The following TNXB variants were observed in gnomAD, a reference collection of about 807,000 sequenced individuals.
TNXB encodes tenascin-X.
In TNXB, 183 loss-of-function variants were observed where a neutral mutation model predicts 340.5. The ratio of observed to expected loss-of-function variants is 0.54; its 90% confidence interval spans 0.48 to 0.61. TNXB has a LOEUF of 0.61. Among genes scored for constraint, TNXB ranks in the 20% least tolerant of loss-of-function variants. The pLI is 0.00. For synonymous variants in TNXB, 2,121 were observed against 2,314.5 expected (o/e 0.92, Z 2.40); for missense variants, 4,613 against 5,446.4 (o/e 0.85, Z 4.82).
Position 32,081,692 on chromosome 6 carries a change from AG to A in TNXB, c.3737-20del, listed in dbSNP as rs1309465925. The A allele has an allele frequency of 6.5e-7, 1 of 1,542,234 alleles. No homozygotes were observed. The highest frequency in any genetic ancestry group is 1.2e-5 in the South Asian group (1 of 83,388). ...TCTGGAGCTGTAAACAAGGAGATCC[AG>A]CCAGGTGCTGAACTGGCAGCCTGGG... On this transcript the variant is annotated intron_variant, in intron 9 of 43. Transcript: ENST00000644971. The surrounding 1 kb of genome is among the most constrained non-coding windows in gnomAD (Gnocchi z 5.1).
chr6:32,049,681 A>G lies in TNXB; in HGVS notation c.9440-94T>C, dbSNP rs567729621. ...GCCAAGGCTATGACTGGGGGACCTG[A>G]GGTCATTTCAGAGAAGTCCATTCTT... On this transcript the variant is annotated intron_variant, in intron 27 of 43. Transcript: ENST00000644971. The surrounding 1 kb of genome is among the most constrained non-coding windows in gnomAD (Gnocchi z 4.5). 107 of 1,401,362 alleles carry G rather than the reference A, an allele frequency of 7.6e-5. No homozygotes were observed. The East Asian group carries it at 1.6e-3, about 21-fold the overall frequency. The allele number at this position is 1,401,362 out of a possible 1,614,324, so 86.8% of individuals were successfully genotyped here.
chr6:32,060,651 T>C (rs1451022210), intron 21 of TNXB, among the ~76,000 whole-genome samples: 2 of 151,954 alleles, frequency 1.3e-5, no homozygotes, highest in African/African-American at 2.4e-5. Flanking sequence ...TCCTTTTTCT[T>C]CTTTTTTGAG....
Position 32,062,269 on chromosome 6 carries a change from A to G in TNXB, c.7056T>C (p.His2352=), listed in dbSNP as rs1333858688. Residue 2352 remains histidine (H), a synonymous_variant, in exon 20 of 44, where the codon CAT becomes CAC. Transcript: ENST00000644971. The surrounding 1 kb of genome is among the most constrained non-coding windows in gnomAD (Gnocchi z 4.3). ...GGCCGGAGATGGTGACCCTGTCCTC[A>G]TGTCCTGGCACCCGTGTTGCCTTGG... ...GQPKATRVPG[H]EDRVTISGLE... 1 of 1,613,286 alleles carries G rather than the reference A, an allele frequency of 6.2e-7. No individual in the cohort carries two copies. The highest frequency in any genetic ancestry group is 1.1e-5 in the South Asian group (1 of 91,080).
rs192267599 is a variant in TNXB at position 32,073,102 on chromosome 6, T to G, written c.4681+545A>C. Among the ~76,000 whole-genome samples the G allele has an allele frequency of 1.6e-3, 244 of 152,280 alleles. 2 individuals are homozygous for G. Among genetic ancestry groups the G allele is most frequent in the African/African-American group, 5.3e-3 (221 of 41,554 alleles). Reference sequence around the variant, plus strand: ...CACAGCACAACAATCATGGAGAACCTGTGCCCAGGAAGCCATGAGGGGCAG... The same window carrying G: ...CACAGCACAACAATCATGGAGAACCGGTGCCCAGGAAGCCATGAGGGGCAG... On this transcript the variant is annotated intron_variant, in intron 12 of 43. Coordinates refer to ENST00000644971, the MANE Select transcript of TNXB (RefSeq NM_001365276.2). The surrounding 1 kb of genome is among the most constrained non-coding windows in gnomAD (Gnocchi z 4.6).
At position 32,080,356 on chromosome 6, in the gene TNXB, A is replaced by G. The variant is rs570015795; in HGVS notation, c.4043-991T>C. Among the ~76,000 whole-genome samples, 22 of 152,170 alleles carry G rather than the reference A, an allele frequency of 1.4e-4. No individual in the cohort carries two copies. The East Asian group carries it at 4.3e-3, about 30-fold the overall frequency. On this transcript the variant is annotated intron_variant, in intron 10 of 43. Coordinates refer to ENST00000644971, the MANE Select transcript of TNXB (RefSeq NM_001365276.2). The surrounding 1 kb of genome is among the most constrained non-coding windows in gnomAD (Gnocchi z 4.3). ...CTCTTGAGTAGCTGGGACTACAGGC[A>G]CCTGCCACCATGCCTGGCTAATTTT...
Position 32,089,457 on chromosome 6 carries a change from T to C in TNXB, c.2359-78A>G. ...CTCAATCCCCCTTATCTCTTCTTTC[T>C]CCAATTCTAAACAGTGTCAGCATGG... On this transcript the variant is annotated intron_variant, in intron 4 of 43. Coordinates refer to ENST00000644971, the MANE Select transcript of TNXB (RefSeq NM_001365276.2). The surrounding 1 kb of genome is among the most constrained non-coding windows in gnomAD (Gnocchi z 6.2). The C allele has an allele frequency of 6.6e-7, 1 of 1,509,566 alleles. No homozygotes were observed. The allele number at this position is 1,509,566 out of a possible 1,614,324, so 93.5% of individuals were successfully genotyped here.
Position 32,097,875 on chromosome 6 carries a change from C to T in TNXB, c.324G>A (p.Glu108=), listed in dbSNP as rs1027321958. 1 of 1,564,984 alleles carries T rather than the reference C, an allele frequency of 6.4e-7. No homozygotes were observed. Among genetic ancestry groups the T allele is most frequent in the East Asian group, 2.3e-5 (1 of 43,986 alleles). Reference sequence around the variant, plus strand: ...GCCCCTTCACCAACTCCTCCAGGATCTCTAGACGGACCCTCAGGGCCTGTA... The same window carrying T: ...GCCCCTTCACCAACTCCTCCAGGATTTCTAGACGGACCCTCAGGGCCTGTA... The part of the protein sequence containing the change: ...SEVQALRVRL[E]ILEELVKGLK... The change falls in exon 2 of 44, where the codon GAG becomes GAA. Residue 108 remains glutamate (E), a synonymous_variant. Coordinates refer to ENST00000644971, the MANE Select transcript of TNXB (RefSeq NM_001365276.2). This position sits in a 1 kb window ranked among gnomAD's most constrained non-coding sequence, Gnocchi z 5.9.
Position 32,072,383 on chromosome 6 carries a change from C to T in TNXB, c.4682-85G>A, listed in dbSNP as rs983462917. ...TTGAGGGCCTCAGGGGGGCTGTGAA[C>T]TGAGATGGGGAATAGTTACACCTTT... On this transcript the variant is annotated intron_variant, in intron 12 of 43. Transcript: ENST00000644971. The surrounding 1 kb of genome is among the most constrained non-coding windows in gnomAD (Gnocchi z 4.4). 1.7e-5 allele frequency: 20 copies of T among 1,163,638 alleles called. No individual in the cohort carries two copies. The highest frequency in any genetic ancestry group is 2.4e-5 in the Non-Finnish European group (20 of 849,866). 72.1% of individuals were successfully genotyped at this position (1,163,638 alleles called of 1,614,324 possible).
rs1259127583 is a variant in TNXB, at chr6:32,067,570, G to T, written c.6544+91C>A. ...TGAACAGGGTGTATTACAGGTTTGA[G>T]GTCTTGGGGTTCTGGGTCCCTAGTG... On this transcript the variant is annotated intron_variant, in intron 18 of 43. Coordinates refer to ENST00000644971, the MANE Select transcript of TNXB (RefSeq NM_001365276.2). The surrounding 1 kb of genome is among the most constrained non-coding windows in gnomAD (Gnocchi z 4.2). The T allele has an allele frequency of 6.7e-7, 1 of 1,482,418 alleles. No individual in the cohort carries two copies. Among genetic ancestry groups the T allele is most frequent in the Non-Finnish European group, 9.0e-7 (1 of 1,109,336 alleles). 91.8% of individuals were successfully genotyped at this position (1,482,418 alleles called of 1,614,324 possible). A position where few individuals can be genotyped will look rare whatever the true frequency, so the allele number is the denominator to read the frequency against.
intron 1 of TNXB, among the ~76,000 whole-genome samples, chr6:32,100,196 C>A (rs1484252179): frequency 6.6e-6 from 1 of 151,788 alleles, no homozygotes; most frequent in Non-Finnish European, 1.5e-5. Flanking sequence ...CCTCCGTCTC[C>A]CAGGTTCAAG....
intron 21 of TNXB, among the ~76,000 whole-genome samples, chr6:32,060,838 C>T (rs757612972): frequency 3.3e-5 from 5 of 151,942 alleles, no homozygotes; most frequent in Non-Finnish European, 5.9e-5. Context: ...GGGGTTTCAC[C>T]ATGTTGGCTA....
rs1024077300 is a variant in TNXB, at chr6:32,102,688, G to A, written c.-8-4482C>T. Among the ~76,000 whole-genome samples, 4 of 151,878 alleles carry A rather than the reference G, an allele frequency of 2.6e-5. No individual in the cohort carries two copies. The East Asian group carries it at 5.8e-4, about 22-fold the overall frequency. ...TGTAATCCCGGCACTTTGGGAAGCC[G>A]AGGCGGGCGGATCACGAGGTCAAGA... On this transcript the variant is annotated intron_variant, in intron 1 of 43. Coordinates refer to ENST00000644971, the MANE Select transcript of TNXB (RefSeq NM_001365276.2).
Position 32,043,904 on chromosome 6 carries a change from G to A in TNXB, c.11387-12C>T. ...ACTCTGAGGCTCCCCTGAAAACATT[G>A]GGGATCGAGGGTTACCCAGGGAACC... On this transcript the variant is annotated splice_polypyrimidine_tract_variant and intron_variant, in intron 34 of 43. Transcript: ENST00000644971. The A allele has an allele frequency of 1.2e-6, 2 of 1,613,526 alleles. No homozygotes were observed. Among genetic ancestry groups the A allele is most frequent in the Non-Finnish European group, 1.7e-6 (2 of 1,179,984 alleles).
chr6:32,053,106 G>C, intron 25 of TNXB, 113 bp from the exon 26 acceptor site: 1 of 1,229,178 alleles, frequency 8.1e-7, no homozygotes, highest in Non-Finnish European at 1.1e-6. Context: ...GGTCAGCTTG[G>C]AGAGGCCCAT....
At chr6:32,095,035 T>C in intron 4 of TNXB, 41 bp downstream of exon 4, 3 of 1,504,700 alleles carry the variant, frequency 2.0e-6, no homozygotes, top group Non-Finnish European at 2.7e-6. Context: ...CCCCCTGTCC[T>C]GCCCACTCAG....
rs558453501 is a variant in TNXB, at chr6:32,052,945, G to A, written c.8840C>T (p.Pro2947Leu). The A allele has an allele frequency of 5.6e-6, 9 of 1,612,588 alleles. No individual in the cohort carries two copies. The highest frequency in any genetic ancestry group is 1.1e-5 in the South Asian group (1 of 91,070). ...CAGGAGCGGCTCCTCAGGGGGCTCC[G>A]GGGCCTCCGTGCTGGGTTCTGTGGG... ...PAPTEPSTEA[P>L]EPPEEPLLGE... is the part of the protein sequence containing the mutation. The change falls in exon 26 of 44, where the codon CCG (proline) becomes CTG (leucine). Residue 2947 changes from proline to leucine, a missense_variant. Pro to Leu is a moderately conservative substitution (Grantham distance 98). This residue lies in a region of TNXB where 4,327 missense variants were observed against 4,859.4 expected (regional missense o/e 0.89). Coordinates refer to ENST00000644971, the MANE Select transcript of TNXB (RefSeq NM_001365276.2). This position sits in a 1 kb window ranked among gnomAD's most constrained non-coding sequence, Gnocchi z 4.7.
intron 6 of TNXB, among the ~76,000 whole-genome samples, chr6:32,086,892 T>A (rs1779809355): frequency 6.6e-6 from 1 of 152,230 alleles, no homozygotes; most frequent in Non-Finnish European, 1.5e-5. Flanking sequence ...CGGGAATCAC[T>A]GTTTTCAATT....
intron 11 of TNXB, chr6:32,078,484 A>G: frequency 6.5e-6 from 1 of 153,416 alleles, no homozygotes; most frequent in Non-Finnish European, 1.4e-5. Flanking sequence ...AAGAAAGAAA[A>G]GAAAGCTTGC....
At position 32,081,946 on chromosome 6, in the gene TNXB, G is replaced by A; in HGVS notation, c.3736+90C>T. ...CCGGGAAGCTGGAGTCAGCTGTCTT[G>A]CTGGGGGACCCCAGCTGGTTTTGGG... On this transcript the variant is annotated intron_variant, in intron 9 of 43. Coordinates refer to ENST00000644971, the MANE Select transcript of TNXB (RefSeq NM_001365276.2). The surrounding 1 kb of genome is among the most constrained non-coding windows in gnomAD (Gnocchi z 5.1). The A allele has an allele frequency of 7.4e-7, 1 of 1,342,926 alleles. No homozygotes were observed. The highest frequency in any genetic ancestry group is 1.0e-6 in the Non-Finnish European group (1 of 985,874). The allele number at this position is 1,342,926 out of a possible 1,614,324, so 83.2% of individuals were successfully genotyped here.
Sources: allele counts gnomAD v4.1 joint callset (sites outside exome capture counted in the v4.1 genomes callset), GRCh38; gene constraint gnomAD v4.1.1; regional missense constraint gnomAD v4.1.1; non-coding constraint Gnocchi (gnomAD v3.1); transcripts MANE v1.5; gene names NCBI Gene and HGNC (gene_info 2026-07-23, HGNC 2026-07-21).